The following GPNMB variants were observed in gnomAD, a reference collection of about 807,000 sequenced individuals.
GPNMB encodes the protein glycoprotein nmb, also known as transmembrane glycoprotein NMB.
GPNMB carries 71 observed loss-of-function variants against 57.3 expected under a neutral mutation model. The observed-to-expected ratio is 1.24, with a 90% confidence interval of 1.02 to 1.51. GPNMB has a LOEUF of 1.51. Among genes scored for constraint, GPNMB ranks in the 40% most tolerant of loss-of-function variants. The pLI is 0.00. For missense variants in GPNMB, 677 were observed against 691.9 expected, an observed-to-expected ratio of 0.98 and a Z score of 0.24; for synonymous variants, 253 against 263.2, an observed-to-expected ratio of 0.96 and a Z score of 0.38.
rs1782672045 is a variant in GPNMB at position 23,251,963 on chromosome 7, CAAAAG to C, written c.71-1340_71-1336del. On this transcript the variant is annotated intron_variant, in intron 1 of 10. Coordinates refer to ENST00000258733, the MANE Select transcript of GPNMB (RefSeq NM_002510.3). ...CAACCAACCAGTCTGCTACAATTCT[CAAAAG>C]AAAGAGACCATGTGACCACCAGACT... Among the ~76,000 whole-genome samples, 3 of 152,274 alleles carry C rather than the reference CAAAAG, an allele frequency of 2.0e-5. 1 individual carries two copies. In the South Asian group the frequency reaches 6.2e-4, roughly 32 times the overall value.
rs1046572698 is a variant in GPNMB, at chr7:23,269,817, T to C, written c.1221-150T>C. ...CTTGCTTAAGAGCAGATTATAAGAC[T>C]AACAATTCAGCATCTTATAGTTTGA... On this transcript the variant is annotated intron_variant, in intron 8 of 10. Coordinates refer to ENST00000258733, the MANE Select transcript of GPNMB (RefSeq NM_002510.3). The C allele has an allele frequency of 1.7e-5, 11 of 655,574 alleles. No individual in the cohort carries two copies. The East Asian group carries it at 2.6e-4, about 15-fold the overall frequency. The allele number at this position is 655,574 out of a possible 1,614,324, so 40.6% of individuals were successfully genotyped here.
At chr7:23,271,757 C>T (rs935259251) in intron 9 of GPNMB, among the ~76,000 whole-genome samples, 4 of 151,994 alleles carry the variant, frequency 2.6e-5, no homozygotes, top group Non-Finnish European at 4.4e-5. Flanking sequence ...GATGAAGACA[C>T]TGCACTCCAG....
At position 23,273,594 on chromosome 7, in the gene GPNMB, G is replaced by T; in HGVS notation, c.1503G>T (p.Val501=). Residue 501 remains valine (V), a synonymous_variant, in exon 10 of 11, where the codon GTG becomes GTT. Coordinates refer to ENST00000258733, the MANE Select transcript of GPNMB (RefSeq NM_002510.3). ...SVGCLAIFVT[V]ISLLVYKKHK... is the part of the protein sequence containing the mutation. ...GCTGCTTGGCCATATTTGTCACTGT[G>T]ATCTCCCTCTTGGTGTACAAGTAAG... 6.2e-7 allele frequency: 1 copy of T among 1,611,122 alleles called. No homozygotes were observed. Among genetic ancestry groups the T allele is most frequent in the Non-Finnish European group, 8.5e-7 (1 of 1,177,264 alleles).
Position 23,274,494 on chromosome 7 carries a change from C to T in GPNMB, c.*270C>T, listed in dbSNP as rs1271250343. ...GTTTCACTTATAAAGTCTTAGGTAA[C>T]TAGTAGGATAGAAACACTGTGTCCC... is the stretch of plus-strand genomic sequence containing the variant. On this transcript the variant is annotated 3_prime_UTR_variant, in exon 11 of 11. Coordinates refer to ENST00000258733, the MANE Select transcript of GPNMB (RefSeq NM_002510.3). The T allele has an allele frequency of 1.4e-5, 4 of 290,528 alleles. No individual in the cohort carries two copies. Among genetic ancestry groups the T allele is most frequent in the Non-Finnish European group, 2.6e-5 (4 of 155,792 alleles). The allele number at this position is 290,528 out of a possible 1,614,324, so 18.0% of individuals were successfully genotyped here.
chr7:23,265,286 AC>A (rs1283284873), intron 6 of GPNMB, among the ~76,000 whole-genome samples: 1 of 152,214 alleles, frequency 6.6e-6, no homozygotes, highest in Non-Finnish European at 1.5e-5. Context: ...CTCACATGTC[AC>A]TAAGTTAGAG....
At position 23,267,043 on chromosome 7, in the gene GPNMB, C is replaced by G. The variant is rs550639997; in HGVS notation, c.1117+428C>G. On this transcript the variant is annotated intron_variant, in intron 7 of 10. Coordinates refer to ENST00000258733, the MANE Select transcript of GPNMB (RefSeq NM_002510.3). Reference sequence around the variant, plus strand: ...CCACACATGGCTGTGCATTTGGGCACAGCCCTAAGGCATACAACAGAGAAG... The same window carrying G: ...CCACACATGGCTGTGCATTTGGGCAGAGCCCTAAGGCATACAACAGAGAAG... Among the ~76,000 whole-genome samples, 24 of 152,306 alleles carry G rather than the reference C, an allele frequency of 1.6e-4. 1 individual carries two copies. Among genetic ancestry groups the G allele is most frequent in the African/African-American group, 5.1e-4 (21 of 41,566 alleles).
At chr7:23,251,316 G>T (rs1048988752) in intron 1 of GPNMB, among the ~76,000 whole-genome samples, 1 of 152,140 alleles carries the variant, frequency 6.6e-6, no homozygotes, top group South Asian at 2.1e-4. Flanking sequence ...ACCTCATGGA[G>T]GATCTCTCCC....
chr7:23,250,143 T>C (rs1306102602), intron 1 of GPNMB, among the ~76,000 whole-genome samples: 3 of 152,234 alleles, frequency 2.0e-5, no homozygotes, highest in African/African-American at 7.2e-5. Context: ...TATAGTGAGT[T>C]TTGAAAATTC....
intron 5 of GPNMB, 77 bp from the exon 6 acceptor site, chr7:23,260,379 A>G (rs1273815161): frequency 1.6e-6 from 2 of 1,232,750 alleles, no homozygotes; most frequent in Admixed American, 2.2e-5. Context: ...ATTTCAACCT[A>G]AAAGCATCGT....
intron 7 of GPNMB, among the ~76,000 whole-genome samples, chr7:23,267,217 T>C (rs975175196): frequency 2.6e-5 from 4 of 152,222 alleles, no homozygotes; most frequent in Non-Finnish European, 5.9e-5. Flanking sequence ...GATTACCTTT[T>C]CCTGAAACAC....
Position 23,257,354 on chromosome 7 carries a change from A to T in GPNMB, c.541+289A>T, listed in dbSNP as rs544977674. 5.2e-6 allele frequency: 3 copies of T among 576,234 alleles called. No homozygotes were observed. The African/African-American group carries it at 5.6e-5, about 11-fold the overall frequency. 35.7% of individuals were successfully genotyped at this position (576,234 alleles called of 1,614,324 possible). Reference sequence around the variant, plus strand: ...TTTCTACCTAAAACCATAACAAGAAAAAATGCTAACACTTATTTATTTGAA... The same window carrying T: ...TTTCTACCTAAAACCATAACAAGAATAAATGCTAACACTTATTTATTTGAA... On this transcript the variant is annotated intron_variant, in intron 4 of 10. Coordinates refer to ENST00000258733, the MANE Select transcript of GPNMB (RefSeq NM_002510.3).
chr7:23,267,079 A>T (rs1464515852), intron 7 of GPNMB, among the ~76,000 whole-genome samples: 1 of 152,254 alleles, frequency 6.6e-6, no homozygotes, highest in South Asian at 2.1e-4. Context: ...ACAGAGGGGA[A>T]CTGAAGCCCA....
At chr7:23,257,702 T>A (rs1782815443) in intron 4 of GPNMB, 1 of 152,312 alleles carries the variant, frequency 6.6e-6, no homozygotes, top group Admixed American at 6.5e-5. Flanking sequence ...AAAAACAGAA[T>A]GGCACATTGA....
In GPNMB at chr7:23,249,884, G is replaced by A. The variant is rs191456071; in HGVS notation, c.70+2957G>A. 1.1e-3 allele frequency among the ~76,000 whole-genome samples: 172 copies of A among 152,336 alleles called. 1 individual carries two copies. Among genetic ancestry groups the A allele is most frequent in the African/African-American group, 4.0e-3 (165 of 41,568 alleles). On this transcript the variant is annotated intron_variant, in intron 1 of 10. Transcript: ENST00000258733. ...TTTAGTTTTGCAAGAAACTAACAGA[G>A]TGGCTGTACCATTTTACATTTCCAC...
At chr7:23,270,917 G>C (rs543797805) in intron 9 of GPNMB, among the ~76,000 whole-genome samples, 15 of 152,318 alleles carry the variant, frequency 9.8e-5, no homozygotes, top group Non-Finnish European at 1.3e-4. Context: ...TTTGTTGTAA[G>C]ATATTACTTG....
At chr7:23,260,278 T>A in intron 5 of GPNMB, 140 bp downstream of exon 5, 2 of 1,041,946 alleles carry the variant, frequency 1.9e-6, no homozygotes, top group Non-Finnish European at 2.8e-6. Context: ...TAATTAGTTG[T>A]AGTTCATCTG....
Position 23,274,263 on chromosome 7 carries a change from T to C in GPNMB, c.*39T>C, listed in dbSNP as rs1583844059. On this transcript the variant is annotated 3_prime_UTR_variant, in exon 11 of 11. Transcript: ENST00000258733. ...TTCTGAAGCTCACTTTTCAGTGCCA[T>C]TGATGTGAGATGTGCTGGAGTGGCT... is the stretch of plus-strand genomic sequence containing the variant. 1 of 1,490,438 alleles carries C rather than the reference T, an allele frequency of 6.7e-7. No homozygotes were observed. Among genetic ancestry groups the C allele is most frequent in the Non-Finnish European group, 9.4e-7 (1 of 1,069,210 alleles). 92.3% of individuals were successfully genotyped at this position (1,490,438 alleles called of 1,614,324 possible). A position where few individuals can be genotyped will look rare whatever the true frequency, so the allele number is the denominator to read the frequency against.
Position 23,260,604 on chromosome 7 carries a change from G to T in GPNMB, c.849G>T (p.Trp283Cys), listed in dbSNP as rs1782894748. 1 of 1,614,008 alleles carries T rather than the reference G, an allele frequency of 6.2e-7. No individual in the cohort carries two copies. The highest frequency in any genetic ancestry group is 8.5e-7 in the Non-Finnish European group (1 of 1,179,958). ...ATTATTCTACCATTAACTACAAGTG[G>T]AGCTTCGGGGATAATACTGGCCTGT... Reference protein sequence around the residue: ...FLNYSTINYKWSFGDNTGLFV... With the variant: ...FLNYSTINYKCSFGDNTGLFV... The change falls in exon 6 of 11, where the codon TGG (tryptophan) becomes TGT (cysteine). Residue 283 changes from tryptophan to cysteine, a missense_variant. Trp to Cys is a radical substitution (Grantham distance 215, BLOSUM62 -2). Coordinates refer to ENST00000258733, the MANE Select transcript of GPNMB (RefSeq NM_002510.3).
rs770470655 is a variant in GPNMB, at chr7:23,253,499, A to G, written c.223+40A>G. 46 of 1,564,586 alleles carry G rather than the reference A, an allele frequency of 2.9e-5. No homozygotes were observed. In the East Asian group the frequency reaches 1.0e-3, roughly 35 times the overall value. On this transcript the variant is annotated intron_variant, in intron 2 of 10. Transcript: ENST00000258733. The stretch of plus-strand genomic sequence containing the variant: ...TCAAACCAAACACCTGCAATTTCCT[A>G]CTTCAGTAAGTCTTGTAGATGGTAA...
Sources: allele counts gnomAD v4.1 joint callset (sites outside exome capture counted in the v4.1 genomes callset), GRCh38; gene constraint gnomAD v4.1.1; transcripts MANE v1.5; gene names NCBI Gene and HGNC (gene_info 2026-07-23, HGNC 2026-07-21).